Variants in SLC25A17 observed in about 807,000 individuals in gnomAD.
The protein encoded by SLC25A17 is peroxisomal membrane protein PMP34.
In SLC25A17, 26 loss-of-function variants were observed where a neutral mutation model predicts 38.5. The ratio of observed to expected loss-of-function variants is 0.68; its 90% CI spans 0.50 to 0.94. The LOEUF is 0.94. SLC25A17 is among the 40% of genes least tolerant of loss of function. The probability of loss-of-function intolerance (pLI) is 0.00; values close to 1 mark genes in which losing one functional copy is unlikely to be tolerated. For missense variants in SLC25A17, 333 were observed against 372.7 expected, an observed-to-expected ratio of 0.89 and a Z score of 0.88; for synonymous variants, 139 against 136.2, an observed-to-expected ratio of 1.02 and a Z score of -0.14.
intron 8 of SLC25A17, among the ~76,000 whole-genome samples, chr22:40,772,579 A>G (rs2057195228): frequency 1.3e-5 from 2 of 151,480 alleles, no homozygotes; most frequent in South Asian, 4.2e-4. Flanking sequence ...CTGGGATTAT[A>G]GGTGTGAGCC....
At chr22:40,800,381 A>C (rs554052750) in intron 1 of SLC25A17, among the ~76,000 whole-genome samples, 1 of 151,964 alleles carries the variant, frequency 6.6e-6, no homozygotes, top group Admixed American at 6.5e-5. Context: ...TAATGGTTAC[A>C]AAAAAAATTA....
intron 7 of SLC25A17, among the ~76,000 whole-genome samples, chr22:40,774,331 C>T (rs970630373): frequency 6.6e-6 from 1 of 151,302 alleles, no homozygotes; most frequent in African/African-American, 2.4e-5. Context: ...TCAAGTGATT[C>T]TCCTGCCTCA....
intron 2 of SLC25A17, chr22:40,798,373 TC>T (rs1255220554): frequency 2.6e-5 from 4 of 152,140 alleles, no homozygotes; most frequent in Non-Finnish European, 5.9e-5. Flanking sequence ...CACCATTGGT[TC>T]CTCGGAACCT....
chr22:40,773,860 G>C (rs2057212580), intron 8 of SLC25A17, 77 bp downstream of exon 8: 1 of 999,558 alleles, frequency 1.0e-6, no homozygotes, highest in East Asian at 2.4e-5. Flanking sequence ...TAGTGTGAGA[G>C]AGGGAAATGC....
rs5995951 is a variant in SLC25A17, at chr22:40,810,221, T to C, written c.54+8974A>G. Among the ~76,000 whole-genome samples the C allele has an allele frequency of 3.6e-3, 547 of 152,286 alleles. 5 individuals carry two copies. The highest frequency in any genetic ancestry group is 0.013 in the African/African-American group (527 of 41,562). On this transcript the variant is annotated intron_variant, in intron 1 of 8. Coordinates refer to ENST00000435456, the MANE Select transcript of SLC25A17 (RefSeq NM_006358.4). ...ACAGTGTCTTTTTGTATACTGGTGG[T>C]CCCTATCTTTTAGTGCATTAATTGC...
intron 2 of SLC25A17, among the ~76,000 whole-genome samples, chr22:40,796,794 C>A (rs2057434620): frequency 6.6e-6 from 1 of 152,078 alleles, no homozygotes. Flanking sequence ...GTGGAAACAA[C>A]CCCAGAATCT....
chr22:40,786,557 T>C (rs1190051677), intron 4 of SLC25A17, among the ~76,000 whole-genome samples: 1 of 152,210 alleles, frequency 6.6e-6, no homozygotes, highest in Non-Finnish European at 1.5e-5. Flanking sequence ...TTACTTATAA[T>C]ACAATGTAAA....
chr22:40,793,068 TGGG>T (rs1177286891), intron 3 of SLC25A17, among the ~76,000 whole-genome samples: 6 of 147,950 alleles, frequency 4.1e-5, no homozygotes, highest in Admixed American at 1.3e-4. Flanking sequence ...AAAAAAAAGA[TGGG>T]GGAATTCACA....
At chr22:40,787,699 T>C (rs1343772910) in intron 4 of SLC25A17, among the ~76,000 whole-genome samples, 1 of 150,130 alleles carries the variant, frequency 6.7e-6, no homozygotes, top group East Asian at 1.9e-4. Flanking sequence ...CTTTTCTTCT[T>C]TTTTTTTTAG....
chr22:40,806,186 C>G (rs1376391941), intron 1 of SLC25A17, among the ~76,000 whole-genome samples: 4 of 152,114 alleles, frequency 2.6e-5, no homozygotes, highest in Non-Finnish European at 4.4e-5. Flanking sequence ...TAGGCAGAGG[C>G]AGGGGGAAAG....
intron 1 of SLC25A17, among the ~76,000 whole-genome samples, chr22:40,801,777 TG>T (rs2057486563): frequency 6.6e-6 from 1 of 152,176 alleles, no homozygotes; most frequent in Admixed American, 6.5e-5. Flanking sequence ...TTCTATCGCA[TG>T]GTACTGCATT....
intron 1 of SLC25A17, among the ~76,000 whole-genome samples, chr22:40,805,170 A>G (rs1602622217): frequency 6.6e-6 from 1 of 152,274 alleles, no homozygotes; most frequent in East Asian, 1.9e-4. Flanking sequence ...TCCTATCTCT[A>G]TTAAAAATAC....
chr22:40,779,301 C>T (rs1602591565), intron 4 of SLC25A17, 176 bp from the exon 5 acceptor site: 12 of 1,450,554 alleles, frequency 8.3e-6, no homozygotes, highest in South Asian at 2.9e-5. Context: ...CTGTTAGAAG[C>T]GATTTGGAAG....
chr22:40,816,198 C>CAAAA (rs566246442), intron 1 of SLC25A17, among the ~76,000 whole-genome samples: 2 of 81,882 alleles, frequency 2.4e-5, no homozygotes, highest in Non-Finnish European at 2.7e-5. Flanking sequence ...AACTCCATCT[C>CAAAA]AAAAAAAAAA....
chr22:40,814,323 CCAACA>C (rs2057612698), intron 1 of SLC25A17, among the ~76,000 whole-genome samples: 2 of 152,162 alleles, frequency 1.3e-5, no homozygotes, highest in Non-Finnish European at 2.9e-5. Flanking sequence ...TCTTACAAGA[CCAACA>C]CACTGCCATG....
At chr22:40,819,150 A>C in intron 1 of SLC25A17, 45 bp downstream of exon 1, 3 of 1,606,440 alleles carry the variant, frequency 1.9e-6, no homozygotes, top group Non-Finnish European at 2.6e-6. Flanking sequence ...GCCCCCGAGA[A>C]GCCTTATAAC....
intron 1 of SLC25A17, among the ~76,000 whole-genome samples, chr22:40,805,327 T>C (rs1365731194): frequency 1.3e-5 from 2 of 152,268 alleles, no homozygotes; most frequent in South Asian, 2.1e-4. Flanking sequence ...CACTCTAGCC[T>C]GGGCAACAGA....
At chr22:40,788,925 C>A in intron 4 of SLC25A17, 1 of 298,774 alleles carries the variant, frequency 3.3e-6, no homozygotes, top group Non-Finnish European at 6.7e-6. Flanking sequence ...AATCAAAGTT[C>A]TTTTCTGGTC....
intron 4 of SLC25A17, among the ~76,000 whole-genome samples, chr22:40,784,801 A>AAG (rs1556148487): frequency 2.0e-5 from 3 of 151,470 alleles, no homozygotes; most frequent in East Asian, 1.9e-4. Flanking sequence ...AAAAAAAAAA[A>AAG]AAAAGAAAAG....
Sources: allele counts gnomAD v4.1 joint callset (sites outside exome capture counted in the v4.1 genomes callset), GRCh38; gene constraint gnomAD v4.1.1; transcripts MANE v1.5; gene names NCBI Gene and HGNC (gene_info 2026-07-23, HGNC 2026-07-21).